The following ARID1A variants were observed in gnomAD, a reference collection of about 807,000 sequenced individuals.
The protein encoded by ARID1A is AT-rich interactive domain-containing protein 1A.
ARID1A carries 20 observed loss-of-function variants against 212.6 expected under a neutral mutation model. The ratio of observed to expected loss-of-function variants is 0.09; its 90% CI spans 0.07 to 0.14. The LOEUF is 0.14. Ranked by LOEUF, ARID1A falls within the 10% of genes least tolerant of loss-of-function variation. The pLI is 1.00. For synonymous variants in ARID1A, 1,376 were observed against 1,222.1 expected (o/e 1.13, Z -2.63); for missense variants, 2,587 against 3,059.0 (o/e 0.85, Z 3.64).
chr1:26,738,029 C>G (rs949610483), intron 4 of ARID1A, among the ~76,000 whole-genome samples: 2 of 144,770 alleles, frequency 1.4e-5, no homozygotes, highest in Non-Finnish European at 3.1e-5. Flanking sequence ...ATAGTAAACT[C>G]TTTTTTTTTT....
rs397860721 is a variant in ARID1A, at chr1:26,708,266, C to CTTTTTTTTTTTTTTTTTT, written c.1137+10745_1137+10762dup. ...TCAGCCTTTAAGATACAGTCCTTCA[C>CTTTTTTTTTTTTTTTTTT]TTTTTTTTTTTTTTTTTTTTTTTTT... On this transcript the variant is annotated intron_variant, in intron 1 of 19. Coordinates refer to ENST00000324856, the MANE Select transcript of ARID1A (RefSeq NM_006015.6). Among the ~76,000 whole-genome samples the CTTTTTTTTTTTTTTTTTT allele has an allele frequency of 9.3e-4, 22 of 23,754 alleles. 6 individuals are homozygous for CTTTTTTTTTTTTTTTTTT. The highest frequency in any genetic ancestry group is 3.0e-3 in the South Asian group (1 of 334). 15.6% of individuals were successfully genotyped at this position (23,754 alleles called of 152,430 possible).
chr1:26,736,322 C>CAA (rs1159133678), intron 4 of ARID1A, among the ~76,000 whole-genome samples: 57 of 52,418 alleles, frequency 1.1e-3, no homozygotes, highest in African/African-American at 3.5e-3. Flanking sequence ...AACTCCATCT[C>CAA]AAAAAAAAAA....
At position 26,697,285 on chromosome 1, in the gene ARID1A, C is replaced by G. The variant is rs746292498; in HGVS notation, c.882C>G (p.Thr294=). 2 of 1,362,384 alleles carry G rather than the reference C, an allele frequency of 1.5e-6. No individual in the cohort carries two copies. The highest frequency in any genetic ancestry group is 1.9e-6 in the Non-Finnish European group (2 of 1,064,420). 84.4% of individuals were successfully genotyped at this position (1,362,384 alleles called of 1,614,324 possible). ...GGTPQPTATP[T]LNQLLTSPSS... ...CTCCCCAGCCCACCGCCACCCCCAC[C>G]CTCAACCAACTGCTCACGTCGCCCA... Residue 294 remains threonine (T), a synonymous_variant, in exon 1 of 20, where the codon ACC becomes ACG. Coordinates refer to ENST00000324856, the MANE Select transcript of ARID1A (RefSeq NM_006015.6).
At chr1:26,705,455 C>T (rs1332426980) in intron 1 of ARID1A, among the ~76,000 whole-genome samples, 1 of 151,446 alleles carries the variant, frequency 6.6e-6, no homozygotes, top group African/African-American at 2.4e-5. Flanking sequence ...TTTTTTTCCC[C>T]CCCCCTCAAG....
At chr1:26,776,279 CTT>C (rs748452521) in intron 19 of ARID1A, among the ~76,000 whole-genome samples, 100 of 136,064 alleles carry the variant, frequency 7.3e-4, no homozygotes, top group Admixed American at 5.9e-4. Context: ...TAACAATATT[CTT>C]TTTTTTTTTT....
intron 8 of ARID1A, 74 bp from the exon 9 acceptor site, chr1:26,766,147 T>C (rs1440192700): frequency 1.3e-5 from 19 of 1,519,514 alleles, no homozygotes; most frequent in Non-Finnish European, 1.7e-5. Flanking sequence ...CACACAGCAC[T>C]ATTTGGCTCC....
chr1:26,700,419 T>C (rs997525949), intron 1 of ARID1A, among the ~76,000 whole-genome samples: 1 of 152,240 alleles, frequency 6.6e-6, no homozygotes, highest in Non-Finnish European at 1.5e-5. Context: ...TATGTCTTTT[T>C]CACAGGACCT....
intron 3 of ARID1A, among the ~76,000 whole-genome samples, 191 bp from the exon 4 acceptor site, chr1:26,732,485 G>A (rs938911905): frequency 2.6e-5 from 4 of 152,158 alleles, no homozygotes; most frequent in Non-Finnish European, 5.9e-5. Flanking sequence ...TGACAATTCT[G>A]TCAGAAAGAG....
In ARID1A at chr1:26,781,451, G is replaced by A. The variant is rs573932625; in HGVS notation, c.*695G>A. 4 of 232,186 alleles carry A rather than the reference G, an allele frequency of 1.7e-5. No homozygotes were observed. The highest frequency in any genetic ancestry group is 5.7e-5 in the Admixed American group (1 of 17,696). The allele number at this position is 232,186 out of a possible 1,614,324, so 14.4% of individuals were successfully genotyped here. On this transcript the variant is annotated 3_prime_UTR_variant, in exon 20 of 20. Coordinates refer to ENST00000324856, the MANE Select transcript of ARID1A (RefSeq NM_006015.6). ...TTTTTAAAAATGTTTTTAGTTAAAC[G>A]TTGAGGAGAAAAAAAAAAAAGGCTT...
intron 4 of ARID1A, among the ~76,000 whole-genome samples, chr1:26,739,883 TTA>T (rs1177167629): frequency 1.3e-5 from 2 of 152,136 alleles, no homozygotes; most frequent in African/African-American, 4.8e-5. Context: ...CGGGTCCCTG[TTA>T]TCTCTCACCT....
intron 5 of ARID1A, 45 bp downstream of exon 5, chr1:26,761,141 C>G (rs771740982): frequency 6.2e-7 from 1 of 1,601,856 alleles, no homozygotes; most frequent in Non-Finnish European, 8.5e-7. Flanking sequence ...AGGTGACTGC[C>G]CCCAGTAATA....
Position 26,710,666 on chromosome 1 carries a change from A to G in ARID1A, c.1137+13126A>G, listed in dbSNP as rs965456978. The stretch of plus-strand genomic sequence containing the variant: ...TCCTATCGAATCCAAAACTCTGTCA[A>G]TATGTTCTAACAAGTCCTCTAGGCC... On this transcript the variant is annotated intron_variant, in intron 1 of 19. Transcript: ENST00000324856. Among the ~76,000 whole-genome samples, 8 of 152,124 alleles carry G rather than the reference A, an allele frequency of 5.3e-5. No individual in the cohort carries two copies. The East Asian group carries it at 7.7e-4, about 15-fold the overall frequency.
At chr1:26,728,554 C>T (rs2080641261) in intron 1 of ARID1A, among the ~76,000 whole-genome samples, 2 of 152,190 alleles carry the variant, frequency 1.3e-5, no homozygotes, top group South Asian at 4.1e-4. Flanking sequence ...TCTGTTTTAA[C>T]AAGCCTTTCA....
intron 1 of ARID1A, among the ~76,000 whole-genome samples, chr1:26,720,368 G>A (rs1349935062): frequency 1.3e-5 from 2 of 151,890 alleles, no homozygotes; most frequent in Non-Finnish European, 2.9e-5. Flanking sequence ...AACTGCTAGG[G>A]TGACTGTGGC....
At chr1:26,769,756 G>A (rs1274372626) in intron 11 of ARID1A, 1 of 152,236 alleles carries the variant, frequency 6.6e-6, no homozygotes, top group Non-Finnish European at 1.5e-5. Context: ...TTACCATATG[G>A]TAGATGAATA....
rs759447853 is a variant in ARID1A, at chr1:26,773,890, C to A, written c.4093C>A (p.Gln1365Lys). The A allele has an allele frequency of 1.9e-6, 3 of 1,614,124 alleles. No homozygotes were observed. In the Admixed American group the frequency reaches 5.0e-5, roughly 27 times the overall value. ...PSQQTTMYQQ[Q>K]QQNYKRPMDG... is the part of the protein sequence containing the mutation. ...CCAGCAGACTACAATGTATCAACAG[C>A]AACAGCAGGTGAGGAGGGTAGCTGG... The change falls in exon 17 of 20, where the codon CAA (glutamine) becomes AAA (lysine). Residue 1365 changes from glutamine (Q) to lysine (K), a missense_variant. By Grantham distance (53) the Gln-to-Lys change is moderately conservative. This residue lies in a region of ARID1A where 890 missense variants were observed against 1,098.2 expected (regional missense o/e 0.81). Transcript: ENST00000324856.
chr1:26,721,883 T>G (rs1057221963), intron 1 of ARID1A, among the ~76,000 whole-genome samples: 1 of 152,194 alleles, frequency 6.6e-6, no homozygotes, highest in South Asian at 2.1e-4. Context: ...TTATTATGGT[T>G]GTTTCTCATA....
rs775802127 is a variant in ARID1A, at chr1:26,773,681, G to A, written c.3968G>A (p.Arg1323His). 2.5e-6 allele frequency: 4 copies of A among 1,614,056 alleles called. No homozygotes were observed. The South Asian group carries it at 3.3e-5, about 13-fold the overall frequency. Residue 1323 changes from arginine (R) to histidine (H), a missense_variant, in exon 16 of 20, where the codon CGC (arginine) becomes CAC (histidine). Physicochemically the swap from Arg to His is conservative, Grantham distance 29. Transcript: ENST00000324856. ...NPDSGMYSPS[R>H]YPPQQQQQQQ... ...GACTCGGGGATGTATTCTCCTAGCC[G>A]CTACCCCCCGCAGCAGCAGCAGCAG...
At chr1:26,715,681 C>T (rs2080495968) in intron 1 of ARID1A, among the ~76,000 whole-genome samples, 1 of 152,052 alleles carries the variant, frequency 6.6e-6, no homozygotes, top group Non-Finnish European at 1.5e-5. Context: ...CACTTAATTG[C>T]CCAGTCCTGT....
Sources: gnomAD v4.1 joint callset for allele counts (sites outside exome capture counted in the v4.1 genomes callset) on GRCh38, gnomAD v4.1.1 for gene constraint, gnomAD v4.1.1 regional missense constraint, MANE v1.5 for transcripts, NCBI Gene and HGNC (gene_info 2026-07-23, HGNC 2026-07-21) for gene names.